Variants in PTPRD observed in about 807,000 individuals in gnomAD.
The protein encoded by PTPRD is protein tyrosine phosphatase receptor type D.
A neutral mutation model predicts 214.5 loss-of-function variants in PTPRD; 34 were observed. That is an observed-to-expected ratio of 0.16 (90% confidence interval 0.12 to 0.21). The LOEUF is 0.21. Ranked by LOEUF, PTPRD falls within the 10% of genes least tolerant of loss-of-function variation. The pLI, the probability that PTPRD is intolerant of heterozygous loss-of-function variation, is 1.00. For synonymous variants in PTPRD, 1,128 were observed against 845.7 expected, an observed-to-expected ratio of 1.33 and a Z score of -5.79; for missense variants, 2,545 against 2,398.7, an observed-to-expected ratio of 1.06 and a Z score of -1.27.
At chr9:9,545,820 G>C (rs1367863215) in intron 8 of PTPRD, among the ~76,000 whole-genome samples, 1 of 151,642 alleles carries the variant, frequency 6.6e-6, no homozygotes, top group Non-Finnish European at 1.5e-5. Flanking sequence ...TTAGTTTATT[G>C]ATATCTACAA....
intron 14 of PTPRD, among the ~76,000 whole-genome samples, chr9:8,531,230 G>C (rs536076645): frequency 3.4e-4 from 52 of 152,158 alleles, no homozygotes; most frequent in African/African-American, 1.2e-3. Context: ...AAGGCTCCAA[G>C]AGAAAGTTAA....
At chr9:8,885,044 T>C (rs766844189) in intron 11 of PTPRD, among the ~76,000 whole-genome samples, 2 of 152,166 alleles carry the variant, frequency 1.3e-5, no homozygotes, top group Non-Finnish European at 2.9e-5. Flanking sequence ...AGCATGACTA[T>C]GATAGTGCAA....
At chr9:10,007,449 C>T (rs922007264) in intron 4 of PTPRD, among the ~76,000 whole-genome samples, 5 of 151,884 alleles carry the variant, frequency 3.3e-5, no homozygotes, top group Admixed American at 6.6e-5. Flanking sequence ...GAATACGATA[C>T]GAAGAGGCGT....
At chr9:10,088,801 T>C (rs1470002795) in intron 3 of PTPRD, among the ~76,000 whole-genome samples, 1 of 151,728 alleles carries the variant, frequency 6.6e-6, no homozygotes, top group Non-Finnish European at 1.5e-5. Context: ...AATCACAAAA[T>C]ATACTCACTA....
intron 9 of PTPRD, among the ~76,000 whole-genome samples, chr9:9,208,646 A>G (rs934385116): frequency 6.6e-6 from 1 of 152,082 alleles, no homozygotes; most frequent in African/African-American, 2.4e-5. Flanking sequence ...AAGTGAACCA[A>G]TTAGTATTTA....
chr9:8,409,235 GA>G (rs1274219753), intron 35 of PTPRD, among the ~76,000 whole-genome samples: 1 of 152,258 alleles, frequency 6.6e-6, no homozygotes, highest in East Asian at 1.9e-4. Context: ...TGTAGATGAG[GA>G]AACTGAGGTA....
Position 9,434,763 on chromosome 9 carries a change from G to T in PTPRD, c.-236-37281C>A, listed in dbSNP as rs527619607. On this transcript the variant is annotated intron_variant, in intron 8 of 45. Transcript: ENST00000381196. ...AAATATGTACAATTACAATGTGTCAGTTATGCACATTTTATTTAGGTTGCT... is the reference window on the plus strand; with the variant it reads ...AAATATGTACAATTACAATGTGTCATTTATGCACATTTTATTTAGGTTGCT... 6.3e-4 allele frequency among the ~76,000 whole-genome samples: 96 copies of T among 151,460 alleles called. 2 individuals are homozygous for T. The South Asian group carries it at 0.018, about 29-fold the overall frequency.
intron 2 of PTPRD, among the ~76,000 whole-genome samples, chr9:10,565,259 T>C (rs996000745): frequency 1.6e-4 from 24 of 152,146 alleles, no homozygotes; most frequent in African/African-American, 5.5e-4. Flanking sequence ...ATTCATAAAT[T>C]AGATTATGAA....
chr9:8,321,526 T>TAAAA (rs796936322), intron 44 of PTPRD, among the ~76,000 whole-genome samples: 41 of 115,782 alleles, frequency 3.5e-4, no homozygotes, highest in African/African-American at 1.2e-3. Context: ...TATATATATA[T>TAAAA]AAAAGGTATA....
intron 12 of PTPRD, among the ~76,000 whole-genome samples, chr9:8,706,116 T>C (rs1484782579): frequency 3.9e-5 from 6 of 152,268 alleles, no homozygotes; most frequent in Middle Eastern, 3.4e-3. Context: ...AAGCCAATTA[T>C]GAATTTTATT....
At chr9:9,492,109 G>A (rs2095932915) in intron 8 of PTPRD, among the ~76,000 whole-genome samples, 2 of 151,794 alleles carry the variant, frequency 1.3e-5, no homozygotes, top group South Asian at 4.1e-4. Flanking sequence ...AGAATACTAT[G>A]AGCAACTGTA....
At chr9:9,279,317 T>C (rs1946806641) in intron 9 of PTPRD, among the ~76,000 whole-genome samples, 1 of 146,464 alleles carries the variant, frequency 6.8e-6, no homozygotes, top group South Asian at 2.1e-4. Flanking sequence ...CACATGCATA[T>C]ATACAGATAT....
intron 3 of PTPRD, among the ~76,000 whole-genome samples, chr9:10,147,512 T>C (rs990282095): frequency 2.6e-5 from 4 of 152,192 alleles, no homozygotes; most frequent in African/African-American, 9.6e-5. Flanking sequence ...TGAGTTTTAC[T>C]CCACTAGTCA....
At chr9:9,923,278 G>T (rs1439702266) in intron 5 of PTPRD, among the ~76,000 whole-genome samples, 2 of 149,614 alleles carry the variant, frequency 1.3e-5, no homozygotes, top group East Asian at 2.0e-4. Flanking sequence ...ATATTGTAAT[G>T]AATAGAAGAG....
chr9:10,295,249 C>T (rs577591286), intron 3 of PTPRD, among the ~76,000 whole-genome samples: 5 of 152,078 alleles, frequency 3.3e-5, no homozygotes, highest in African/African-American at 7.2e-5. Flanking sequence ...TTTAAGATTT[C>T]GGTTAACACC....
At chr9:8,974,415 T>A (rs987216580) in intron 11 of PTPRD, among the ~76,000 whole-genome samples, 1 of 152,108 alleles carries the variant, frequency 6.6e-6, no homozygotes, top group Non-Finnish European at 1.5e-5. Flanking sequence ...TTATTTATTA[T>A]ACTTTAAATT....
intron 11 of PTPRD, among the ~76,000 whole-genome samples, chr9:8,919,861 A>G (rs905850244): frequency 4.0e-5 from 6 of 150,928 alleles, no homozygotes; most frequent in African/African-American, 1.5e-4. Flanking sequence ...ATGCATACAT[A>G]GATGTACATG....
intron 9 of PTPRD, among the ~76,000 whole-genome samples, chr9:9,195,086 GTATA>G (rs540804635): frequency 5.5e-4 from 72 of 131,178 alleles, no homozygotes; most frequent in East Asian, 7.6e-4. Flanking sequence ...GTGTGTTTGT[GTATA>G]TATATATATA....
At chr9:9,737,208 G>A (rs2154446909) in intron 6 of PTPRD, among the ~76,000 whole-genome samples, 1 of 152,036 alleles carries the variant, frequency 6.6e-6, no homozygotes, top group Middle Eastern at 3.4e-3. Context: ...TGGGTGCTTG[G>A]CTCTGTTTCT....
Sources: gnomAD v4.1 joint callset for allele counts (sites outside exome capture counted in the v4.1 genomes callset) on GRCh38, gnomAD v4.1.1 for gene constraint, MANE v1.5 for transcripts, NCBI Gene and HGNC (gene_info 2026-07-23, HGNC 2026-07-21) for gene names.